Variants in AGBL4 observed in about 807,000 individuals in gnomAD.
AGBL4 encodes cytosolic carboxypeptidase 6.
In AGBL4, 58 loss-of-function variants were observed where a neutral mutation model predicts 66.4. The ratio of observed to expected loss-of-function variants is 0.87; its 90% confidence interval spans 0.71 to 1.09. The LOEUF is 1.09. Among genes scored for constraint, AGBL4 ranks in the 50% least tolerant of loss-of-function variants. AGBL4 has a pLI of 0.00. For missense variants in AGBL4, 579 were observed against 631.0 expected (o/e 0.92, Z 0.88); for synonymous variants, 234 against 222.9 (o/e 1.05, Z -0.44).
intron 3 of AGBL4, among the ~76,000 whole-genome samples, chr1:49,338,688 A>G (rs774456230): frequency 6.6e-6 from 1 of 152,168 alleles, no homozygotes; most frequent in Non-Finnish European, 1.5e-5. Flanking sequence ...GAAGCAAGGA[A>G]CTAAGTAAAA....
chr1:48,647,205 A>G (rs1456584155), intron 8 of AGBL4, among the ~76,000 whole-genome samples: 1 of 152,210 alleles, frequency 6.6e-6, no homozygotes, highest in Non-Finnish European at 1.5e-5. Context: ...TCCGTGCTAT[A>G]ACGCAGAATC....
At position 48,682,786 on chromosome 1, in the gene AGBL4, G is replaced by A. The variant is rs1364301387; in HGVS notation, c.635-19545C>T. On this transcript the variant is annotated intron_variant, in intron 6 of 13. Transcript: ENST00000371839. ...TGTAATCTCCCTTCCCTGTTTAATC[G>A]TGTCAAGTTTGGCCAGCCCTGTAAG... Among the ~76,000 whole-genome samples the A allele has an allele frequency of 1.3e-5, 2 of 152,088 alleles. 1 individual carries two copies. The highest frequency in any genetic ancestry group is 2.9e-5 in the Non-Finnish European group (2 of 68,024).
intron 6 of AGBL4, among the ~76,000 whole-genome samples, chr1:48,730,751 G>C (rs1305314338): frequency 6.6e-6 from 1 of 152,168 alleles, no homozygotes; most frequent in African/African-American, 2.4e-5. Context: ...CTCTGCGAGG[G>C]AGCATTTGAG....
chr1:49,870,565 T>C (rs1646814274), intron 1 of AGBL4, among the ~76,000 whole-genome samples: 1 of 150,692 alleles, frequency 6.6e-6, no homozygotes, highest in African/African-American at 2.4e-5. Flanking sequence ...TAAATATATA[T>C]ATCTACAATG....
chr1:49,183,050 T>C (rs1646955998), intron 4 of AGBL4, among the ~76,000 whole-genome samples: 1 of 152,178 alleles, frequency 6.6e-6, no homozygotes, highest in African/African-American at 2.4e-5. Flanking sequence ...TCTTCTATTC[T>C]ACTAAAAAGT....
intron 3 of AGBL4, among the ~76,000 whole-genome samples, chr1:49,460,077 A>G (rs1050592423): frequency 2.0e-5 from 3 of 151,660 alleles, no homozygotes; most frequent in South Asian, 4.1e-4. Context: ...GATTAATAGA[A>G]TGTGTATTCT....
At chr1:49,933,261 T>C (rs760338032) in intron 1 of AGBL4, among the ~76,000 whole-genome samples, 2 of 152,058 alleles carry the variant, frequency 1.3e-5, no homozygotes, top group Admixed American at 1.3e-4. Context: ...GGAGAGGGCA[T>C]ATAATTCAAA....
intron 2 of AGBL4, among the ~76,000 whole-genome samples, chr1:49,767,272 T>A (rs1247555859): frequency 1.3e-5 from 2 of 151,412 alleles, no homozygotes; most frequent in African/African-American, 2.4e-5. Context: ...TGGGCCACAG[T>A]GGAATAAAAA....
chr1:49,100,918 G>T (rs1645189533), intron 4 of AGBL4, among the ~76,000 whole-genome samples: 1 of 152,160 alleles, frequency 6.6e-6, no homozygotes, highest in East Asian at 1.9e-4. Context: ...GGATGCTGAG[G>T]CTTATAAGAC....
intron 6 of AGBL4, among the ~76,000 whole-genome samples, chr1:48,753,899 C>G (rs1031381348): frequency 1.3e-5 from 2 of 152,308 alleles, no homozygotes; most frequent in African/African-American, 2.4e-5. Context: ...AAAGCACACA[C>G]AAAATCTAAA....
intron 5 of AGBL4, among the ~76,000 whole-genome samples, chr1:48,991,637 C>T (rs1660613177): frequency 6.6e-6 from 1 of 151,986 alleles, no homozygotes; most frequent in Non-Finnish European, 1.5e-5. Flanking sequence ...GGATACTTCC[C>T]TAGTCTTGTA....
chr1:49,438,493 C>G (rs575454044), intron 3 of AGBL4, among the ~76,000 whole-genome samples: 3 of 152,144 alleles, frequency 2.0e-5, no homozygotes, highest in Non-Finnish European at 4.4e-5. Flanking sequence ...GTGCTAGTCC[C>G]AGGCTAACTC....
rs150502683 is a variant in AGBL4, at chr1:49,774,576, G to A, written c.157+76820C>T. On this transcript the variant is annotated intron_variant, in intron 2 of 13. Coordinates refer to ENST00000371839, the MANE Select transcript of AGBL4 (RefSeq NM_032785.4). ...AAATCTTTATCTTTAAAAATTAAGA[G>A]ATATGCCTAGATATCCAGTTTTAAA... Among the ~76,000 whole-genome samples the A allele has an allele frequency of 3.3e-3, 509 of 152,260 alleles. 5 individuals carry two copies. The highest frequency in any genetic ancestry group is 0.012 in the African/African-American group (492 of 41,542).
At chr1:49,499,337 G>A (rs1231008858) in intron 3 of AGBL4, among the ~76,000 whole-genome samples, 2 of 151,578 alleles carry the variant, frequency 1.3e-5, no homozygotes, top group Non-Finnish European at 2.9e-5. Context: ...CAATTTGTTG[G>A]TATATAATTA....
At chr1:48,792,439 T>C (rs1645573180) in intron 6 of AGBL4, among the ~76,000 whole-genome samples, 1 of 152,156 alleles carries the variant, frequency 6.6e-6, no homozygotes, top group Non-Finnish European at 1.5e-5. Context: ...AGGGAGCAAA[T>C]GCAATAATTC....
intron 3 of AGBL4, among the ~76,000 whole-genome samples, chr1:49,573,955 C>A (rs550218642): frequency 6.6e-6 from 1 of 152,290 alleles, no homozygotes; most frequent in East Asian, 1.9e-4. Flanking sequence ...ATCAGCCTGT[C>A]GATCTTTGTC....
intron 4 of AGBL4, among the ~76,000 whole-genome samples, chr1:49,183,546 T>C (rs545615099): frequency 1.3e-5 from 2 of 152,280 alleles, no homozygotes; most frequent in South Asian, 4.1e-4. Flanking sequence ...AGTCTGATCA[T>C]GCTGCCTCTC....
rs543652806 is a variant in AGBL4 at position 48,821,289 on chromosome 1, C to A, written c.634+45902G>T. ...AATCATTGTTTCAAAAAGACACATG[C>A]ACTTATATTTTTATCACAGCACAAT... On this transcript the variant is annotated intron_variant, in intron 6 of 13. Coordinates refer to ENST00000371839, the MANE Select transcript of AGBL4 (RefSeq NM_032785.4). Among the ~76,000 whole-genome samples the A allele has an allele frequency of 4.3e-4, 65 of 152,290 alleles. 1 individual carries two copies. The South Asian group carries it at 4.8e-3, about 11-fold the overall frequency.
At chr1:49,107,707 G>C (rs1275695079) in intron 4 of AGBL4, among the ~76,000 whole-genome samples, 4 of 146,546 alleles carry the variant, frequency 2.7e-5, no homozygotes, top group African/African-American at 1.0e-4. Flanking sequence ...GAGAGAGAGA[G>C]AGAGAGAGAG....
Sources: gnomAD v4.1 joint callset for allele counts (sites outside exome capture counted in the v4.1 genomes callset) on GRCh38, gnomAD v4.1.1 for gene constraint, MANE v1.5 for transcripts, NCBI Gene and HGNC (gene_info 2026-07-23, HGNC 2026-07-21) for gene names.